The following CERS6 variants were observed in gnomAD, a reference collection of about 807,000 sequenced individuals.
CERS6 encodes the protein LAG1 homolog, ceramide synthase 6.
Under a neutral mutation model 56.8 loss-of-function variants are expected in CERS6, and 26 were observed. That is an observed-to-expected ratio of 0.46 (90% CI 0.34 to 0.63). The LOEUF is 0.63. Among genes scored for constraint, CERS6 ranks in the 30% least tolerant of loss-of-function variants. The pLI, the probability that CERS6 is intolerant of heterozygous loss-of-function variation, is 0.01. For missense variants in CERS6, 415 were observed against 467.5 expected (o/e 0.89, Z 1.04); for synonymous variants, 164 against 173.3 (o/e 0.95, Z 0.42).
intron 4 of CERS6, among the ~76,000 whole-genome samples, chr2:168,656,576 T>A (rs952003456): frequency 5.3e-5 from 8 of 151,842 alleles, no homozygotes; most frequent in Non-Finnish European, 1.0e-4. Flanking sequence ...GGAGTTGTTC[T>A]TTCCTCCCGG....
intron 8 of CERS6, among the ~76,000 whole-genome samples, chr2:168,742,730 T>C (rs999439720): frequency 1.3e-5 from 2 of 152,020 alleles, no homozygotes; most frequent in African/African-American, 2.4e-5. Context: ...AACAGAAAGA[T>C]TGATGGACAG....
chr2:168,590,838 A>C (rs975745466), intron 3 of CERS6, among the ~76,000 whole-genome samples: 1 of 152,332 alleles, frequency 6.6e-6, no homozygotes, highest in Middle Eastern at 3.4e-3. Context: ...GAAATAGAGA[A>C]TTGGAATAAC....
chr2:168,576,080 C>T (rs949416463), intron 3 of CERS6, among the ~76,000 whole-genome samples: 1 of 152,064 alleles, frequency 6.6e-6, no homozygotes, highest in African/African-American at 2.4e-5. Context: ...TCCTGGTTGT[C>T]TCCATCATCC....
At chr2:168,623,493 A>G (rs905374321) in intron 3 of CERS6, among the ~76,000 whole-genome samples, 4 of 152,216 alleles carry the variant, frequency 2.6e-5, no homozygotes, top group South Asian at 2.1e-4. Flanking sequence ...CCGTGTTACA[A>G]TCTTTAGAGA....
intron 8 of CERS6, among the ~76,000 whole-genome samples, chr2:168,727,497 C>T (rs974233194): frequency 4.0e-5 from 6 of 149,906 alleles, no homozygotes; most frequent in African/African-American, 1.5e-4. Flanking sequence ...TGCAGTGAGC[C>T]GAGATCGCGC....
chr2:168,716,451 C>G (rs1687228553), intron 7 of CERS6, among the ~76,000 whole-genome samples: 1 of 152,010 alleles, frequency 6.6e-6, no homozygotes, highest in African/African-American at 2.4e-5. Context: ...AATTTCTAAT[C>G]AAGTTCCACT....
At chr2:168,500,384 G>A (rs557509685) in intron 1 of CERS6, among the ~76,000 whole-genome samples, 1 of 152,304 alleles carries the variant, frequency 6.6e-6, no homozygotes, top group Admixed American at 6.5e-5. Flanking sequence ...AGTTGACAAG[G>A]AATGGAATTG....
intron 8 of CERS6, among the ~76,000 whole-genome samples, chr2:168,749,453 C>T (rs1029971326): frequency 6.6e-6 from 1 of 152,198 alleles, no homozygotes; most frequent in African/African-American, 2.4e-5. Flanking sequence ...CTCAGCACTT[C>T]CAGGGAGCCA....
chr2:168,464,759 C>T (rs1260013483), intron 1 of CERS6, among the ~76,000 whole-genome samples: 3 of 150,874 alleles, frequency 2.0e-5, no homozygotes, highest in South Asian at 2.1e-4. Context: ...GTGAGTGAGA[C>T]CCCATGTCAA....
chr2:168,614,987 T>A (rs901420853), intron 3 of CERS6, among the ~76,000 whole-genome samples: 1 of 151,934 alleles, frequency 6.6e-6, no homozygotes, highest in Non-Finnish European at 1.5e-5. Context: ...CCCTGCCACC[T>A]CCTCTGGAGC....
chr2:168,749,386 A>G (rs1175371478), intron 8 of CERS6, among the ~76,000 whole-genome samples: 2 of 152,192 alleles, frequency 1.3e-5, no homozygotes, highest in African/African-American at 2.4e-5. Context: ...CCCATCCCAT[A>G]TAGGCAGGTC....
At chr2:168,714,842 G>A (rs1479088714) in intron 6 of CERS6, among the ~76,000 whole-genome samples, 159 bp from the exon 7 acceptor site, 1 of 152,104 alleles carries the variant, frequency 6.6e-6, no homozygotes, top group Non-Finnish European at 1.5e-5. Flanking sequence ...AACACGTGAT[G>A]GACTCCTGGA....
chr2:168,526,583 C>T lies in CERS6; in HGVS notation c.171-21013C>T, dbSNP rs572164896. Among the ~76,000 whole-genome samples, 10 of 152,340 alleles carry T rather than the reference C, an allele frequency of 6.6e-5. 1 individual carries two copies. The South Asian group carries it at 1.2e-3, about 19-fold the overall frequency. On this transcript the variant is annotated intron_variant, in intron 1 of 9. Transcript: ENST00000305747. Reference sequence around the variant, plus strand: ...TGGTCCAGGTGATATAACTGTATTACAGAAAAACTGACTCAGGGAGGTAAA... The same window carrying T: ...TGGTCCAGGTGATATAACTGTATTATAGAAAAACTGACTCAGGGAGGTAAA...
intron 2 of CERS6, among the ~76,000 whole-genome samples, chr2:168,556,604 G>A (rs1558996575): frequency 6.6e-6 from 1 of 152,022 alleles, no homozygotes; most frequent in East Asian, 1.9e-4. Context: ...CAAAACTATT[G>A]CTATTGTGAA....
chr2:168,567,702 A>G (rs1278178752), intron 3 of CERS6, among the ~76,000 whole-genome samples: 1 of 152,224 alleles, frequency 6.6e-6, no homozygotes, highest in East Asian at 1.9e-4. Context: ...GGAAGAGAAT[A>G]TCGTCTCCTA....
intron 4 of CERS6, among the ~76,000 whole-genome samples, chr2:168,645,130 T>G: frequency 2.6e-5 from 1 of 38,042 alleles, no homozygotes; most frequent in African/African-American, 1.3e-4. Context: ...TATATATATA[T>G]ATATATATAT....
chr2:168,638,682 A>G (rs1252434635), intron 4 of CERS6, among the ~76,000 whole-genome samples: 1 of 152,194 alleles, frequency 6.6e-6, no homozygotes, highest in Non-Finnish European at 1.5e-5. Context: ...GTTTAGTGGT[A>G]TGCCATACTT....
At chr2:168,537,152 T>G (rs1695279051) in intron 1 of CERS6, among the ~76,000 whole-genome samples, 1 of 152,168 alleles carries the variant, frequency 6.6e-6, no homozygotes, top group Non-Finnish European at 1.5e-5. Context: ...TTTTGTTTAA[T>G]AAAAACATGG....
At chr2:168,510,127 G>A in intron 1 of CERS6, among the ~76,000 whole-genome samples, 1 of 150,554 alleles carries the variant, frequency 6.6e-6, no homozygotes, top group African/African-American at 2.4e-5. Flanking sequence ...CTGATACATA[G>A]GATTAGATTC....
Sources: gnomAD v4.1 joint callset for allele counts (sites outside exome capture counted in the v4.1 genomes callset) on GRCh38, gnomAD v4.1.1 for gene constraint, MANE v1.5 for transcripts, NCBI Gene and HGNC (gene_info 2026-07-23, HGNC 2026-07-21) for gene names.